Variants in EPHA4 observed in about 807,000 individuals in gnomAD.
EPHA4 encodes the protein ephrin type-A receptor 4.
EPHA4 carries 19 observed loss-of-function variants against 108.3 expected under a neutral mutation model. The observed-to-expected ratio is 0.18, with a 90% confidence interval of 0.12 to 0.26. The LOEUF (loss-of-function observed/expected upper bound fraction) is 0.26. Among genes scored for constraint, EPHA4 ranks in the 10% least tolerant of loss-of-function variants. The probability of loss-of-function intolerance (pLI) is 1.00; values close to 1 mark genes in which losing one functional copy is unlikely to be tolerated. For missense variants in EPHA4, 917 were observed against 1,254.0 expected (o/e 0.73, Z 4.06); for synonymous variants, 449 against 455.5 (o/e 0.99, Z 0.18).
intron 3 of EPHA4, among the ~76,000 whole-genome samples, chr2:221,545,279 C>T (rs924076654): frequency 3.3e-5 from 5 of 152,092 alleles, no homozygotes; most frequent in African/African-American, 9.7e-5. Context: ...ACCTTCCTGG[C>T]TAACATGGTG....
rs1466744730 is a variant in EPHA4 at position 221,455,676 on chromosome 2, A to G, written c.1604-18T>C. On this transcript the variant is annotated intron_variant, in intron 7 of 17. Coordinates refer to ENST00000281821, the MANE Select transcript of EPHA4 (RefSeq NM_004438.5). ...GGAAGGCACTGGGAATGACAATTGC[A>G]TAAGGGTCACCTTTGGGAAAGTCTT... The G allele has an allele frequency of 1.9e-6, 3 of 1,580,182 alleles. No individual in the cohort carries two copies. The highest frequency in any genetic ancestry group is 1.3e-5 in the African/African-American group (1 of 74,230).
At chr2:221,477,137 G>A (rs773442114) in intron 5 of EPHA4, among the ~76,000 whole-genome samples, 29 of 152,054 alleles carry the variant, frequency 1.9e-4, no homozygotes, top group Non-Finnish European at 4.0e-4. Flanking sequence ...AGCAGCGCCC[G>A]TTCATCTGAT....
Position 221,418,624 on chromosome 2 carries a change from C to T in EPHA4, c.*2748G>A, listed in dbSNP as rs907036395. 1.3e-5 allele frequency: 2 copies of T among 152,538 alleles called. No homozygotes were observed. The highest frequency in any genetic ancestry group is 4.8e-5 in the African/African-American group (2 of 41,428). 9.4% of individuals were successfully genotyped at this position (152,538 alleles called of 1,614,324 possible). On this transcript the variant is annotated 3_prime_UTR_variant, in exon 18 of 18. Coordinates refer to ENST00000281821, the MANE Select transcript of EPHA4 (RefSeq NM_004438.5). Reference sequence around the variant, plus strand: ...AAAATAAGAACGTTTTTCAACCCACCAGAACATTTCACTCGTAAGATTGCT... The same window carrying T: ...AAAATAAGAACGTTTTTCAACCCACTAGAACATTTCACTCGTAAGATTGCT...
intron 3 of EPHA4, among the ~76,000 whole-genome samples, chr2:221,545,792 G>C (rs1028565122): frequency 6.6e-5 from 10 of 151,938 alleles, no homozygotes; most frequent in Non-Finnish European, 1.5e-4. Context: ...CACACCACCC[G>C]CACACAATGT....
At chr2:221,535,620 T>C (rs1183874288) in intron 3 of EPHA4, among the ~76,000 whole-genome samples, 4 of 149,020 alleles carry the variant, frequency 2.7e-5, no homozygotes, top group African/African-American at 9.8e-5. Flanking sequence ...GGATTTGTTA[T>C]TTTCTCCTTT....
intron 5 of EPHA4, among the ~76,000 whole-genome samples, chr2:221,477,430 A>T (rs1691689428): frequency 6.6e-6 from 1 of 152,124 alleles, no homozygotes; most frequent in African/African-American, 2.4e-5. Flanking sequence ...GGACCAGAAA[A>T]TTCTTCATTG....
At chr2:221,442,756 C>G (rs1323273503) in intron 11 of EPHA4, 73 bp downstream of exon 11, 6 of 1,512,932 alleles carry the variant, frequency 4.0e-6, no homozygotes, top group Non-Finnish European at 3.6e-6. Context: ...CTGTCATTTC[C>G]CTGGAAAGAA....
At chr2:221,446,098 A>G in intron 9 of EPHA4, 25 bp downstream of exon 9, 1 of 1,497,324 alleles carries the variant, frequency 6.7e-7, no homozygotes, top group South Asian at 1.4e-5. Context: ...CTAAAAATAG[A>G]ATTTTTTAAT....
At chr2:221,458,026 T>C (rs776643501) in intron 5 of EPHA4, 36 bp from the exon 6 acceptor site, 2 of 1,590,996 alleles carry the variant, frequency 1.3e-6, no homozygotes, top group Admixed American at 1.8e-5. Flanking sequence ...AGATATTTTC[T>C]TTAGGAAAAT....
chr2:221,431,472 T>C (rs144048697), intron 14 of EPHA4, among the ~76,000 whole-genome samples: 222 of 152,346 alleles, frequency 1.5e-3, no homozygotes, highest in African/African-American at 5.3e-3. Context: ...TATTAAGCCC[T>C]CTGATCCTTT....
chr2:221,438,441 G>T (rs550802934), intron 11 of EPHA4, among the ~76,000 whole-genome samples: 1 of 151,962 alleles, frequency 6.6e-6, no homozygotes, highest in South Asian at 2.1e-4. Context: ...GATAAAACAG[G>T]TCCCTAAAAT....
At chr2:221,423,859 T>C (rs1230912567) in intron 17 of EPHA4, among the ~76,000 whole-genome samples, 1 of 152,144 alleles carries the variant, frequency 6.6e-6, no homozygotes, top group Non-Finnish European at 1.5e-5. Context: ...CCGACGCCTG[T>C]AATCCCAACA....
intron 3 of EPHA4, among the ~76,000 whole-genome samples, chr2:221,562,676 G>T (rs1436356521): frequency 6.6e-6 from 1 of 152,182 alleles, no homozygotes; most frequent in African/African-American, 2.4e-5. Context: ...TGGATTGGCA[G>T]CCGCAGACTG....
chr2:221,458,311 C>A (rs1015866605), intron 5 of EPHA4, among the ~76,000 whole-genome samples: 1 of 152,164 alleles, frequency 6.6e-6, no homozygotes, highest in Non-Finnish European at 1.5e-5. Context: ...TGGTTTTTAA[C>A]CTTTTGTAAG....
chr2:221,450,375 T>A (rs917258715), intron 8 of EPHA4, among the ~76,000 whole-genome samples: 2 of 152,336 alleles, frequency 1.3e-5, no homozygotes, highest in African/African-American at 4.8e-5. Context: ...ACTTGCAAAC[T>A]CTGACTTTAT....
At chr2:221,429,488 C>T (rs1690008808) in intron 15 of EPHA4, among the ~76,000 whole-genome samples, 1 of 152,170 alleles carries the variant, frequency 6.6e-6, no homozygotes, top group Non-Finnish European at 1.5e-5. Flanking sequence ...ACCAGAAGAA[C>T]TGAAACCTAA....
Position 221,482,450 on chromosome 2 carries a change from G to A in EPHA4, c.1220C>T (p.Thr407Ile), listed in dbSNP as rs2106141337. The change falls in exon 5 of 18, where the codon ACC becomes ATC. Residue 407 changes from threonine (T) to isoleucine (I), a missense_variant. Physicochemically the swap from Thr to Ile is moderately conservative, Grantham distance 89 (BLOSUM62 -1). Coordinates refer to ENST00000281821, the MANE Select transcript of EPHA4 (RefSeq NM_004438.5). ...AGCCCAGATTTCAAAGGTGTAATTG[G>A]TATGAGCTAGGAGGTCAGTGATGGA... ...KVSITDLLAH[T>I]NYTFEIWAVN... 6.2e-7 allele frequency: 1 copy of A among 1,614,068 alleles called. No individual in the cohort carries two copies. Among genetic ancestry groups the A allele is most frequent in the Non-Finnish European group, 8.5e-7 (1 of 1,179,986 alleles).
Position 221,557,623 on chromosome 2 carries a change from T to C in EPHA4, c.823+6108A>G, listed in dbSNP as rs370900060. Among the ~76,000 whole-genome samples the C allele has an allele frequency of 5.3e-5, 8 of 152,356 alleles. No homozygotes were observed. The East Asian group carries it at 9.6e-4, about 18-fold the overall frequency. ...GTTCTTGGCCATTTTGTGCTAACTGTATGTTAACTTCATGTGCTGCAGAGA... is the reference window on the plus strand; with the variant it reads ...GTTCTTGGCCATTTTGTGCTAACTGCATGTTAACTTCATGTGCTGCAGAGA... On this transcript the variant is annotated intron_variant, in intron 3 of 17. Transcript: ENST00000281821.
chr2:221,470,098 T>C (rs1691432705), intron 5 of EPHA4, among the ~76,000 whole-genome samples: 1 of 152,148 alleles, frequency 6.6e-6, no homozygotes, highest in Non-Finnish European at 1.5e-5. Flanking sequence ...TGACAAAGTA[T>C]AAATTATAGC....
Sources: allele counts gnomAD v4.1 joint callset (sites outside exome capture counted in the v4.1 genomes callset), GRCh38; gene constraint gnomAD v4.1.1; transcripts MANE v1.5; gene names NCBI Gene and HGNC (gene_info 2026-07-23, HGNC 2026-07-21).